The following TAFA2 variants were observed in gnomAD, a reference collection of about 807,000 sequenced individuals.
The protein encoded by TAFA2 is chemokine-like protein TAFA-2.
In TAFA2, 7 loss-of-function variants were observed where a neutral mutation model predicts 18.8. That is an observed-to-expected ratio of 0.37 (90% CI 0.21 to 0.70). The LOEUF is 0.70. TAFA2 is among the 30% of genes least tolerant of loss of function. TAFA2 has a pLI of 0.53. For missense variants in TAFA2, 122 were observed against 158.1 expected (o/e 0.77, Z 1.23); for synonymous variants, 60 against 54.2 (o/e 1.11, Z -0.47).
intron 1 of TAFA2, among the ~76,000 whole-genome samples, chr12:61,942,248 T>G (rs1878063286): frequency 7.0e-6 from 1 of 142,322 alleles, no homozygotes; most frequent in South Asian, 2.3e-4. Flanking sequence ...GGGTCCTGTC[T>G]GTTAGAAGGA....
chr12:61,743,953 A>G (rs1022020699), intron 4 of TAFA2, among the ~76,000 whole-genome samples: 1 of 152,114 alleles, frequency 6.6e-6, no homozygotes, highest in African/African-American at 2.4e-5. Flanking sequence ...CTTCTTGAAC[A>G]TACCTTTCTA....
In TAFA2 at chr12:61,799,157, A is replaced by T. The variant is rs549474667; in HGVS notation, c.107-44133T>A. On this transcript the variant is annotated intron_variant, in intron 2 of 4. Coordinates refer to ENST00000416284, the MANE Select transcript of TAFA2 (RefSeq NM_178539.5). ...CTTTTAAACTCATAGAACAGATAATAATAACATGTGGATGAAGAACAGTAT... is the reference window on the plus strand; with the variant it reads ...CTTTTAAACTCATAGAACAGATAATTATAACATGTGGATGAAGAACAGTAT... Among the ~76,000 whole-genome samples, 366 of 152,376 alleles carry T rather than the reference A, an allele frequency of 2.4e-3. 2 individuals carry two copies. Among genetic ancestry groups the T allele is most frequent in the Non-Finnish European group, 4.4e-3 (297 of 68,036 alleles).
chr12:61,813,556 T>C (rs1227752949), intron 2 of TAFA2, among the ~76,000 whole-genome samples: 1 of 151,394 alleles, frequency 6.6e-6, no homozygotes, highest in Non-Finnish European at 1.5e-5. Context: ...AACAAAAGTA[T>C]GGTGAATATT....
At chr12:62,116,471 G>A (rs1034380325) in intron 1 of TAFA2, among the ~76,000 whole-genome samples, 8 of 151,262 alleles carry the variant, frequency 5.3e-5, no homozygotes, top group African/African-American at 1.7e-4. Context: ...TATCTTGTAG[G>A]CTCTGGCGTA....
intron 1 of TAFA2, among the ~76,000 whole-genome samples, chr12:62,228,545 T>C (rs2062797929): frequency 6.6e-6 from 1 of 152,174 alleles, no homozygotes; most frequent in African/African-American, 2.4e-5. Flanking sequence ...CTCACCAACA[T>C]CTGTTATTTT....
intron 2 of TAFA2, among the ~76,000 whole-genome samples, chr12:61,822,784 T>G (rs573409768): frequency 6.6e-6 from 1 of 152,196 alleles, no homozygotes; most frequent in Non-Finnish European, 1.5e-5. Context: ...CTGTCTAATA[T>G]ACAGTATATG....
chr12:61,881,023 G>C (rs190681049), intron 1 of TAFA2, among the ~76,000 whole-genome samples: 12 of 151,986 alleles, frequency 7.9e-5, no homozygotes, highest in African/African-American at 2.7e-4. Flanking sequence ...AAAGAAAAAA[G>C]AGTTTGATAA....
rs1592532947 is a variant in TAFA2, at chr12:61,989,128, C to T, written c.-1-121702G>A. Among the ~76,000 whole-genome samples the T allele has an allele frequency of 5.9e-5, 9 of 152,212 alleles. 1 individual carries two copies. In the South Asian group the frequency reaches 8.3e-4, roughly 14 times the overall value. On this transcript the variant is annotated intron_variant, in intron 1 of 4. Coordinates refer to ENST00000416284, the MANE Select transcript of TAFA2 (RefSeq NM_178539.5). ...ACATGATAAATTTAAAGGAACACTGCAGCTTGATGCTCCTGACCAAGATGG... is the reference window on the plus strand; with the variant it reads ...ACATGATAAATTTAAAGGAACACTGTAGCTTGATGCTCCTGACCAAGATGG...
At chr12:62,066,148 T>C (rs1882481180) in intron 1 of TAFA2, among the ~76,000 whole-genome samples, 1 of 151,606 alleles carries the variant, frequency 6.6e-6, no homozygotes, top group South Asian at 2.1e-4. Context: ...TGTGTGTGTG[T>C]GTGTGTGTGT....
chr12:62,003,135 C>G (rs1192597878), intron 1 of TAFA2, among the ~76,000 whole-genome samples: 1 of 152,172 alleles, frequency 6.6e-6, no homozygotes, highest in East Asian at 1.9e-4. Context: ...GGTTCCCCAG[C>G]TTCTATCTTT....
chr12:61,953,599 T>C (rs1169825475), intron 1 of TAFA2, among the ~76,000 whole-genome samples: 5 of 151,488 alleles, frequency 3.3e-5, no homozygotes, highest in Non-Finnish European at 7.4e-5. Flanking sequence ...AAAAAAAAAA[T>C]GTGTATCCTT....
chr12:61,768,337 T>C (rs1307421274), intron 2 of TAFA2, among the ~76,000 whole-genome samples: 4 of 152,122 alleles, frequency 2.6e-5, no homozygotes, highest in Non-Finnish European at 4.4e-5. Flanking sequence ...TAGGTAGGAC[T>C]AGGCAGCTCC....
intron 2 of TAFA2, among the ~76,000 whole-genome samples, chr12:61,758,605 T>C (rs1428796989): frequency 6.6e-6 from 1 of 151,798 alleles, no homozygotes; most frequent in African/African-American, 2.4e-5. Context: ...TGGCAGCCCT[T>C]GGAGAAGAAA....
At chr12:61,755,162 A>G in intron 2 of TAFA2, 138 bp from the exon 3 acceptor site, 1 of 698,796 alleles carries the variant, frequency 1.4e-6, no homozygotes, top group Non-Finnish European at 2.3e-6. Context: ...CAATGATGCT[A>G]ACTCCATAAT....
intron 1 of TAFA2, among the ~76,000 whole-genome samples, chr12:62,159,667 G>A (rs1352886131): frequency 6.6e-6 from 1 of 152,020 alleles, no homozygotes; most frequent in Non-Finnish European, 1.5e-5. Flanking sequence ...TATGAGGACT[G>A]CAAGGCATAA....
intron 1 of TAFA2, among the ~76,000 whole-genome samples, chr12:62,171,901 G>C (rs2062480393): frequency 6.6e-6 from 1 of 152,124 alleles, no homozygotes; most frequent in South Asian, 2.1e-4. Context: ...ATAATTCTGA[G>C]ATCAAGCAAG....
chr12:62,177,116 T>C (rs1193454048), intron 1 of TAFA2, among the ~76,000 whole-genome samples: 3 of 152,232 alleles, frequency 2.0e-5, no homozygotes, highest in Non-Finnish European at 4.4e-5. Flanking sequence ...CAGATCTCCA[T>C]AGAAAGCAAA....
intron 4 of TAFA2, among the ~76,000 whole-genome samples, chr12:61,722,105 A>G (rs1252278500): frequency 3.3e-5 from 5 of 152,168 alleles, no homozygotes; most frequent in Non-Finnish European, 5.9e-5. Flanking sequence ...TCGTATGTAA[A>G]TTGGCTATTA....
intron 2 of TAFA2, among the ~76,000 whole-genome samples, chr12:61,816,652 G>A (rs550391417): frequency 1.8e-4 from 27 of 151,258 alleles, no homozygotes; most frequent in Admixed American, 1.4e-3. Flanking sequence ...GTATTTAAGC[G>A]TTCCTAGGGC....
Sources: gnomAD v4.1 joint callset for allele counts (sites outside exome capture counted in the v4.1 genomes callset) on GRCh38, gnomAD v4.1.1 for gene constraint, MANE v1.5 for transcripts, NCBI Gene and HGNC (gene_info 2026-07-23, HGNC 2026-07-21) for gene names.